PAG1: variants seen among roughly 807,000 people sequenced by gnomAD.
PAG1 encodes the protein phosphoprotein associated with glycosphingolipid-enriched microdomains 1.
A neutral mutation model predicts 31.7 loss-of-function variants in PAG1; 23 were observed. That is an observed-to-expected ratio of 0.73 (90% CI 0.52 to 1.03). The LOEUF is 1.03. PAG1 is among the 50% of genes least tolerant of loss of function. PAG1 has a pLI of 0.00. For synonymous variants in PAG1, 214 were observed against 210.3 expected (o/e 1.02, Z -0.15); for missense variants, 473 against 540.7 (o/e 0.87, Z 1.24).
chr8:81,095,558 C>A (rs1351228174), intron 1 of PAG1, among the ~76,000 whole-genome samples: 2 of 152,178 alleles, frequency 1.3e-5, no homozygotes, highest in African/African-American at 4.8e-5. Context: ...GGGGGACCCT[C>A]CCTAGCCTCC....
chr8:81,044,952 A>G (rs1435804180), intron 2 of PAG1, among the ~76,000 whole-genome samples: 1 of 152,012 alleles, frequency 6.6e-6, no homozygotes, highest in Non-Finnish European at 1.5e-5. Context: ...TGTCCTTGTA[A>G]GTGCCCCCTA....
At chr8:81,048,865 C>T (rs1225633538) in intron 2 of PAG1, among the ~76,000 whole-genome samples, 1 of 152,150 alleles carries the variant, frequency 6.6e-6, no homozygotes, top group Non-Finnish European at 1.5e-5. Flanking sequence ...CAGTGTTTCA[C>T]TGCAATATAT....
chr8:81,035,123 A>G (rs1808442137), intron 2 of PAG1, among the ~76,000 whole-genome samples: 2 of 152,118 alleles, frequency 1.3e-5, no homozygotes, highest in South Asian at 4.2e-4. Flanking sequence ...TAGGTTGGTG[A>G]AGTCAGGAGG....
At chr8:80,988,774 C>T (rs1807478153) in intron 5 of PAG1, among the ~76,000 whole-genome samples, 1 of 152,178 alleles carries the variant, frequency 6.6e-6, no homozygotes, top group Non-Finnish European at 1.5e-5. Flanking sequence ...CTTATTCTTA[C>T]AAATAAACTT....
At chr8:81,092,140 C>G (rs762664550) in intron 1 of PAG1, among the ~76,000 whole-genome samples, 4 of 133,292 alleles carry the variant, frequency 3.0e-5, no homozygotes, top group Non-Finnish European at 6.1e-5. Context: ...ATGGCTTGAT[C>G]TCAGGAGTTC....
At chr8:81,038,534 C>A (rs1392111552) in intron 2 of PAG1, among the ~76,000 whole-genome samples, 3 of 152,112 alleles carry the variant, frequency 2.0e-5, no homozygotes, top group Non-Finnish European at 4.4e-5. Context: ...GAGGGGTATG[C>A]AGGGCCGTGT....
In PAG1 at chr8:81,022,699, A is replaced by G. The variant is rs191694212; in HGVS notation, c.-81+7297T>C. Among the ~76,000 whole-genome samples the G allele has an allele frequency of 1.8e-4, 28 of 152,334 alleles. No individual in the cohort carries two copies. In the East Asian group the frequency reaches 5.2e-3, roughly 28 times the overall value. ...CTATGTATATCTTCAATAAAAAGAG[A>G]ACATAAAAAACAGTATAGGGATTTG... On this transcript the variant is annotated intron_variant, in intron 3 of 8. Coordinates refer to ENST00000220597, the MANE Select transcript of PAG1 (RefSeq NM_018440.4).
intron 3 of PAG1, among the ~76,000 whole-genome samples, chr8:81,006,612 A>G (rs958332452): frequency 1.3e-5 from 2 of 152,240 alleles, no homozygotes; most frequent in Non-Finnish European, 2.9e-5. Context: ...TCATGCACCA[A>G]AAAGAATGCA....
chr8:81,032,298 T>C (rs1356795014), intron 2 of PAG1, among the ~76,000 whole-genome samples: 1 of 152,076 alleles, frequency 6.6e-6, no homozygotes. Flanking sequence ...GGAGAAAATA[T>C]ATGCAAATCG....
At chr8:80,980,389 T>C in intron 8 of PAG1, 46 bp downstream of exon 8, 1 of 1,019,728 alleles carries the variant, frequency 9.8e-7, no homozygotes, top group Non-Finnish European at 1.6e-6. Context: ...GGGGAAGGTC[T>C]ATTCTTTACT....
chr8:81,090,048 G>A (rs1178604720), intron 1 of PAG1, among the ~76,000 whole-genome samples: 1 of 152,096 alleles, frequency 6.6e-6, no homozygotes, highest in Non-Finnish European at 1.5e-5. Context: ...AGGGCCATGA[G>A]TAGTTTCTGC....
intron 1 of PAG1, among the ~76,000 whole-genome samples, chr8:81,108,013 A>G (rs1456966440): frequency 2.6e-5 from 4 of 152,254 alleles, no homozygotes; most frequent in African/African-American, 9.6e-5. Context: ...TTTCTTTTAC[A>G]TGTATCTTTT....
chr8:80,982,171 CACTTCTTTATAGCAAAATCTT>C (rs1807320587), intron 7 of PAG1, among the ~76,000 whole-genome samples: 1 of 152,162 alleles, frequency 6.6e-6, no homozygotes, highest in African/African-American at 2.4e-5. Context: ...CAGCCTGTCT[CACTTCTTTATAGCAAAATCTT>C]TTAAAGAGTG....
At position 81,008,426 on chromosome 8, in the gene PAG1, C is replaced by T. The variant is rs143680412; in HGVS notation, c.-80-15119G>A. On this transcript the variant is annotated intron_variant, in intron 3 of 8. Transcript: ENST00000220597. ...CTGCAGTAGCCACTTATCTATCATA[C>T]GTTTTTGATTCTGTAGCCAGGATCC... is the stretch of plus-strand genomic sequence containing the variant. 3.6e-3 allele frequency among the ~76,000 whole-genome samples: 540 copies of T among 151,856 alleles called. 2 individuals are homozygous for T. Among genetic ancestry groups the T allele is most frequent in the African/African-American group, 0.012 (485 of 41,444 alleles).
At chr8:81,012,977 C>T (rs924469848) in intron 3 of PAG1, among the ~76,000 whole-genome samples, 1 of 152,196 alleles carries the variant, frequency 6.6e-6, no homozygotes, top group Non-Finnish European at 1.5e-5. Context: ...TACCCATGTC[C>T]GTCAACTCAC....
At chr8:81,042,961 C>G (rs60755928) in intron 2 of PAG1, among the ~76,000 whole-genome samples, 2,793 of 152,294 alleles carry the variant, frequency 0.018, 78 homozygotes, top group African/African-American at 0.061. Context: ...CTCCACCAAT[C>G]ATAGTTGAAG....
At chr8:81,079,110 G>A (rs1809223714) in intron 1 of PAG1, among the ~76,000 whole-genome samples, 1 of 152,016 alleles carries the variant, frequency 6.6e-6, no homozygotes, top group Non-Finnish European at 1.5e-5. Flanking sequence ...TTAGCAACCA[G>A]AGGTCAGACA....
chr8:81,103,249 C>T (rs1457568486), intron 1 of PAG1, among the ~76,000 whole-genome samples: 1 of 151,744 alleles, frequency 6.6e-6, no homozygotes, highest in African/African-American at 2.4e-5. Context: ...GAAATTGTAG[C>T]TGATACAGCT....
chr8:81,073,783 T>A (rs1809131785), intron 1 of PAG1, among the ~76,000 whole-genome samples: 1 of 152,158 alleles, frequency 6.6e-6, no homozygotes. Flanking sequence ...GCTGTGACAA[T>A]CACTGAAGAA....
Sources: allele counts gnomAD v4.1 joint callset (sites outside exome capture counted in the v4.1 genomes callset), GRCh38; gene constraint gnomAD v4.1.1; transcripts MANE v1.5; gene names NCBI Gene and HGNC (gene_info 2026-07-23, HGNC 2026-07-21).